Variants in TENM3 observed in about 807,000 individuals in gnomAD.
TENM3 encodes teneurin-3.
A neutral mutation model predicts 255.1 loss-of-function variants in TENM3; 63 were observed. The ratio of observed to expected loss-of-function variants is 0.25; its 90% CI spans 0.20 to 0.30. The LOEUF is 0.30. TENM3 is among the 10% of genes least tolerant of loss of function. The pLI, the probability that TENM3 is intolerant of heterozygous loss-of-function variation, is 1.00. For synonymous variants in TENM3, 1,306 were observed against 1,322.3 expected, an observed-to-expected ratio of 0.99 and a Z score of 0.27; for missense variants, 2,929 against 3,461.1, an observed-to-expected ratio of 0.85 and a Z score of 3.86.
At chr4:181,827,622 C>T in the TENM3 span, among the ~76,000 whole-genome samples, 5 of 152,292 alleles carry the variant, frequency 3.3e-5, no homozygotes, top group East Asian at 9.7e-4. Context: ...TCACGATTTG[C>T]AAACAGACTA....
chr4:181,628,890 A>G, the TENM3 span, among the ~76,000 whole-genome samples: 1 of 152,094 alleles, frequency 6.6e-6, no homozygotes, highest in Non-Finnish European at 1.5e-5. Context: ...TGGTAGCTTG[A>G]TGGGGATGGC....
chr4:182,263,379 G>C (rs981499766), intron 1 of TENM3, among the ~76,000 whole-genome samples: 2 of 151,978 alleles, frequency 1.3e-5, no homozygotes, highest in Non-Finnish European at 2.9e-5. Context: ...CTTGACCTTG[G>C]GTTAGAGGCC....
chr4:182,560,303 T>C (rs1487587984), intron 3 of TENM3, among the ~76,000 whole-genome samples: 1 of 152,152 alleles, frequency 6.6e-6, no homozygotes, highest in East Asian at 1.9e-4. Flanking sequence ...CCAATTGGAA[T>C]AATAATGTGT....
intron 5 of TENM3, among the ~76,000 whole-genome samples, chr4:182,645,500 T>TA (rs545930506): frequency 4.7e-4 from 72 of 152,268 alleles, no homozygotes; most frequent in Non-Finnish European, 9.3e-4. Context: ...AAAACAACCC[T>TA]AAAAACCTAA....
rs567154234 is a variant in TENM3, at chr4:182,645,342, C to T, written c.989-8429C>T. ...TAAGAGATACATATTTCAAAGTCAT[C>T]CATCCACATGGAATTGGAAGTTGAT... On this transcript the variant is annotated intron_variant, in intron 5 of 27. Coordinates refer to ENST00000511685, the MANE Select transcript of TENM3 (RefSeq NM_001080477.4). 3.0e-4 allele frequency among the ~76,000 whole-genome samples: 45 copies of T among 152,088 alleles called. 1 individual carries two copies. In the South Asian group the frequency reaches 9.1e-3, roughly 31 times the overall value.
chr4:182,510,953 G>A (rs568238323), intron 3 of TENM3, among the ~76,000 whole-genome samples: 1 of 152,322 alleles, frequency 6.6e-6, no homozygotes, highest in African/African-American at 2.4e-5. Context: ...GAAACCTTGA[G>A]AGATGAGGCA....
At chr4:181,916,561 G>A in the TENM3 span, among the ~76,000 whole-genome samples, 12 of 152,066 alleles carry the variant, frequency 7.9e-5, no homozygotes, top group East Asian at 2.1e-3. Context: ...TAGAAATGGA[G>A]AAGTGTGTTT....
the TENM3 span, among the ~76,000 whole-genome samples, chr4:181,450,048 A>G: frequency 6.6e-6 from 1 of 152,182 alleles, no homozygotes; most frequent in African/African-American, 2.4e-5. Context: ...TGTAGGAGAA[A>G]TGATGCATTT....
the TENM3 span, among the ~76,000 whole-genome samples, chr4:181,565,368 C>T: frequency 3.3e-5 from 5 of 152,292 alleles, no homozygotes; most frequent in Admixed American, 2.6e-4. Context: ...AAGAAACATA[C>T]TTAGAGAATA....
chr4:182,752,785 G>C (rs182998153), intron 20 of TENM3, among the ~76,000 whole-genome samples: 1 of 152,202 alleles, frequency 6.6e-6, no homozygotes, highest in East Asian at 1.9e-4. Flanking sequence ...TATGGTTACT[G>C]TAAGGGAGCT....
chr4:181,815,306 A>C, the TENM3 span, among the ~76,000 whole-genome samples: 1 of 151,586 alleles, frequency 6.6e-6, no homozygotes, highest in Non-Finnish European at 1.5e-5. Flanking sequence ...CAAAAAAAAA[A>C]AAAAATCTAT....
At chr4:181,467,084 C>CGTGTGT in the TENM3 span, among the ~76,000 whole-genome samples, 1 of 59,012 alleles carries the variant, frequency 1.7e-5, no homozygotes, top group Admixed American at 1.9e-4. Flanking sequence ...TGTGTGTGTG[C>CGTGTGT]GTGTGTGTGT....
intron 3 of TENM3, among the ~76,000 whole-genome samples, chr4:182,589,448 T>A (rs1746376099): frequency 1.3e-5 from 1 of 79,246 alleles, no homozygotes; most frequent in African/African-American, 4.0e-5. Context: ...GGTTTTTAAT[T>A]TTTTTTTTTT....
At chr4:182,224,547 T>C (rs934501561) in intron 1 of TENM3, among the ~76,000 whole-genome samples, 8 of 152,158 alleles carry the variant, frequency 5.3e-5, no homozygotes, top group Admixed American at 5.2e-4. Context: ...AAACGTATAT[T>C]TAACTTATTT....
At chr4:182,712,090 A>G (rs1438775378) in intron 12 of TENM3, among the ~76,000 whole-genome samples, 1 of 152,204 alleles carries the variant, frequency 6.6e-6, no homozygotes, top group Non-Finnish European at 1.5e-5. Flanking sequence ...AAATGTTTCA[A>G]AATATATGTG....
chr4:182,055,322 G>A, the TENM3 span, among the ~76,000 whole-genome samples: 16 of 149,400 alleles, frequency 1.1e-4, no homozygotes, highest in East Asian at 2.7e-3. Flanking sequence ...TCCAGCCTGG[G>A]CAACAGAGCA....
the TENM3 span, among the ~76,000 whole-genome samples, chr4:181,867,627 G>T: frequency 6.6e-6 from 1 of 152,148 alleles, no homozygotes; most frequent in African/African-American, 2.4e-5. Flanking sequence ...TTACATGACT[G>T]AGCAAACGAG....
chr4:182,169,425 A>T (rs946041451), intron 1 of TENM3: 5 of 399,452 alleles, frequency 1.3e-5, no homozygotes, highest in Non-Finnish European at 1.5e-5. Context: ...GTCTCCTGAG[A>T]TGGATTGAAT....
In TENM3 at chr4:182,156,011, ATTT is replaced by A. The variant is rs56399249; in HGVS notation, c.-76+11275_-76+11277del. ...TTGCTGTCTCCACAGCTGTTTGAGG[ATTT>A]TTTTTTTTTTTTTTTTTGCAAATGT... On this transcript the variant is annotated intron_variant, in intron 1 of 2. Transcript: ENST00000512480. Among the ~76,000 whole-genome samples the A allele has an allele frequency of 5.7e-3, 678 of 118,490 alleles. 1 individual carries two copies. The highest frequency in any genetic ancestry group is 0.013 in the South Asian group (49 of 3,634). The allele number at this position is 118,490 out of a possible 152,430, so 77.7% of individuals were successfully genotyped here.
Sources: allele counts gnomAD v4.1 joint callset (sites outside exome capture counted in the v4.1 genomes callset), GRCh38; gene constraint gnomAD v4.1.1; transcripts MANE v1.5; gene names NCBI Gene and HGNC (gene_info 2026-07-23, HGNC 2026-07-21).